The following COL21A1 variants were observed in gnomAD, a reference collection of about 807,000 sequenced individuals.
The protein encoded by COL21A1 is collagen alpha-1(XXI) chain.
Under a neutral mutation model 137.9 loss-of-function variants are expected in COL21A1, and 149 were observed. That is an observed-to-expected ratio of 1.08 (90% CI 0.95 to 1.24). COL21A1 has a LOEUF of 1.24. Ranked by LOEUF, COL21A1 falls within the 50% of genes most tolerant of loss-of-function variation. COL21A1 has a pLI of 0.00. For missense variants in COL21A1, 1,167 were observed against 1,158.4 expected, an observed-to-expected ratio of 1.01 and a Z score of -0.11; for synonymous variants, 456 against 391.5, an observed-to-expected ratio of 1.16 and a Z score of -1.95.
intron 1 of COL21A1, among the ~76,000 whole-genome samples, chr6:56,321,827 C>T (rs1485832357): frequency 1.3e-5 from 2 of 152,116 alleles, no homozygotes; most frequent in Non-Finnish European, 2.9e-5. Context: ...AAGATCTCAA[C>T]GTCACCCATT....
chr6:56,114,714 C>T (rs1350606725), intron 16 of COL21A1, among the ~76,000 whole-genome samples: 2 of 149,300 alleles, frequency 1.3e-5, no homozygotes, highest in Non-Finnish European at 3.0e-5. Flanking sequence ...AACACTTTTA[C>T]ACTGTTGGTG....
chr6:56,310,735 C>G (rs536474320), intron 1 of COL21A1, among the ~76,000 whole-genome samples: 25 of 151,950 alleles, frequency 1.6e-4, no homozygotes, highest in Non-Finnish European at 3.2e-4. Context: ...CTTTACCATC[C>G]AATGCTAAGG....
chr6:56,316,140 A>G (rs1582775693), intron 1 of COL21A1, among the ~76,000 whole-genome samples: 1 of 152,220 alleles, frequency 6.6e-6, no homozygotes, highest in African/African-American at 2.4e-5. Flanking sequence ...ATGTTTTGAT[A>G]TATGTATACA....
intron 16 of COL21A1, among the ~76,000 whole-genome samples, chr6:56,114,729 T>A (rs564032564): frequency 0.013 from 1,943 of 149,126 alleles, 39 homozygotes; most frequent in African/African-American, 0.045. Context: ...TTGGTGGGAC[T>A]GTAAACTAGT....
intron 1 of COL21A1, among the ~76,000 whole-genome samples, chr6:56,238,784 C>T (rs1214426984): frequency 6.6e-6 from 1 of 152,042 alleles, no homozygotes; most frequent in Non-Finnish European, 1.5e-5. Flanking sequence ...AATATTCTCA[C>T]CTAAAGAAGC....
chr6:56,319,310 A>C lies in COL21A1; in HGVS notation c.-39+74661T>G, dbSNP rs528156034. On this transcript the variant is annotated intron_variant, in intron 1 of 28. Coordinates refer to the COL21A1 transcript ENST00000370819. ...GGAAGGAAAGGTGGAAAAAAACTGC[A>C]GGTGGCCTGGAACAGAGATCTTTTG... 6.6e-4 allele frequency among the ~76,000 whole-genome samples: 101 copies of C among 152,108 alleles called. 1 individual carries two copies. Among genetic ancestry groups the C allele is most frequent in the Non-Finnish European group, 1.4e-3 (93 of 68,012 alleles).
In COL21A1 at chr6:56,124,846, C is replaced by T. The variant is rs1319035627; in HGVS notation, c.1651-554G>A. On this transcript the variant is annotated intron_variant, in intron 14 of 29. Transcript: ENST00000244728. ...ATTTTTACTAGAGACGGGGTTTCAC[C>T]GTGTTAGCCAGGATGGTCTCGATCT... Among the ~76,000 whole-genome samples, 4 of 151,708 alleles carry T rather than the reference C, an allele frequency of 2.6e-5. No homozygotes were observed. The East Asian group carries it at 5.8e-4, about 22-fold the overall frequency.
At chr6:56,275,764 A>C (rs972804218) in intron 1 of COL21A1, among the ~76,000 whole-genome samples, 1 of 152,196 alleles carries the variant, frequency 6.6e-6, no homozygotes, top group African/African-American at 2.4e-5. Flanking sequence ...ATGCTTATAC[A>C]CTGTTGGTGG....
chr6:56,163,037 C>G (rs1409785013), intron 9 of COL21A1, among the ~76,000 whole-genome samples: 1 of 152,132 alleles, frequency 6.6e-6, no homozygotes, highest in African/African-American at 2.4e-5. Context: ...AATTCCATAT[C>G]TTTCTTTATT....
intron 1 of COL21A1, among the ~76,000 whole-genome samples, chr6:56,229,853 A>G (rs1349172496): frequency 6.6e-6 from 1 of 151,980 alleles, no homozygotes; most frequent in Admixed American, 6.6e-5. Context: ...AGAATCTCCT[A>G]TAAGTACAAA....
intron 26 of COL21A1, 30 bp downstream of exon 26, chr6:56,060,861 T>TAATA: frequency 6.3e-7 from 1 of 1,585,200 alleles, no homozygotes; most frequent in Non-Finnish European, 8.5e-7. Flanking sequence ...AATGAAAATG[T>TAATA]AATAACTGTG....
chr6:56,361,789 G>T (rs1765974692), intron 1 of COL21A1, among the ~76,000 whole-genome samples: 1 of 152,106 alleles, frequency 6.6e-6, no homozygotes. Flanking sequence ...GTGTGTGTGT[G>T]TGTGTTCTTT....
chr6:56,067,144 T>A, intron 23 of COL21A1, 151 bp downstream of exon 23: 1 of 582,986 alleles, frequency 1.7e-6, no homozygotes, highest in Non-Finnish European at 2.8e-6. Context: ...AAATTTGGTC[T>A]TGTCTGAAAA....
intron 1 of COL21A1, among the ~76,000 whole-genome samples, chr6:56,385,365 A>G (rs2094016018): frequency 6.6e-6 from 1 of 152,172 alleles, no homozygotes; most frequent in African/African-American, 2.4e-5. Context: ...GCAGAGCTGC[A>G]TTCCTTTCTG....
intron 1 of COL21A1, among the ~76,000 whole-genome samples, chr6:56,304,589 C>T (rs1374290397): frequency 1.3e-5 from 2 of 152,146 alleles, no homozygotes; most frequent in South Asian, 2.1e-4. Flanking sequence ...TCCCCTTTAT[C>T]ATTTTTTATT....
At chr6:56,333,974 A>G (rs1036204380) in intron 1 of COL21A1, among the ~76,000 whole-genome samples, 2 of 151,572 alleles carry the variant, frequency 1.3e-5, no homozygotes, top group African/African-American at 4.9e-5. Context: ...TGAGGGTTCT[A>G]TATATGTTCT....
rs547474322 is a variant in COL21A1 at position 56,153,992 on chromosome 6, TCCCAATTCCC to T, written c.1434+2885_1434+2894del. ...ACCTCCAACCTGTCCAAAAATATAG[TCCCAATTCCC>T]CCCTGCTATGGTTTGGATGCTTGCC... On this transcript the variant is annotated intron_variant, in intron 10 of 29. Coordinates refer to ENST00000244728, the MANE Select transcript of COL21A1 (RefSeq NM_030820.4). Among the ~76,000 whole-genome samples, 20 of 152,278 alleles carry T rather than the reference TCCCAATTCCC, an allele frequency of 1.3e-4. No homozygotes were observed. The East Asian group carries it at 3.9e-3, about 29-fold the overall frequency.
chr6:56,162,624 T>C (rs1776275818), intron 9 of COL21A1, among the ~76,000 whole-genome samples: 1 of 152,188 alleles, frequency 6.6e-6, no homozygotes, highest in South Asian at 2.1e-4. Context: ...AGAGGTGGCT[T>C]GAACCTCACT....
intron 1 of COL21A1, among the ~76,000 whole-genome samples, chr6:56,278,915 G>T (rs969002871): frequency 1.3e-5 from 2 of 152,210 alleles, no homozygotes; most frequent in Non-Finnish European, 1.5e-5. Context: ...TGAGAATGAA[G>T]TTGCTTAGGC....
Sources: allele counts gnomAD v4.1 joint callset (sites outside exome capture counted in the v4.1 genomes callset), GRCh38; gene constraint gnomAD v4.1.1; transcripts MANE v1.5; gene names NCBI Gene and HGNC (gene_info 2026-07-23, HGNC 2026-07-21).